The following ENPP3 variants were observed in gnomAD, a reference collection of about 807,000 sequenced individuals.
The protein encoded by ENPP3 is ectonucleotide pyrophosphatase/phosphodiesterase family member 3.
ENPP3 carries 104 observed loss-of-function variants against 117.8 expected under a neutral mutation model. The observed-to-expected ratio is 0.88, with a 90% CI of 0.75 to 1.04. The LOEUF (loss-of-function observed/expected upper bound fraction) is 1.04. Among genes scored for constraint, ENPP3 ranks in the 50% least tolerant of loss-of-function variants. The pLI is 0.00. For missense variants in ENPP3, 1,026 were observed against 1,051.9 expected (o/e 0.98, Z 0.34); for synonymous variants, 380 against 349.9 (o/e 1.09, Z -0.96).
intron 20 of ENPP3, among the ~76,000 whole-genome samples, chr6:131,729,223 T>C (rs192498868): frequency 7.9e-5 from 12 of 152,342 alleles, no homozygotes; most frequent in Non-Finnish European, 1.5e-4. Flanking sequence ...CAAACATTTT[T>C]GAACTATGAA....
At chr6:131,675,037 C>A in intron 8 of ENPP3, 43 bp from the exon 9 acceptor site, 1 of 1,175,684 alleles carries the variant, frequency 8.5e-7, no homozygotes, top group Non-Finnish European at 1.3e-6. Flanking sequence ...CATTTCTACC[C>A]AAAGTAATTA....
At chr6:131,649,244 A>G (rs1778212546) in intron 2 of ENPP3, among the ~76,000 whole-genome samples, 1 of 152,000 alleles carries the variant, frequency 6.6e-6, no homozygotes, top group African/African-American at 2.4e-5. Context: ...TTCCAGAGTG[A>G]CTTTCTAAAA....
intron 8 of ENPP3, among the ~76,000 whole-genome samples, 193 bp from the exon 9 acceptor site, chr6:131,674,887 T>G (rs1424960828): frequency 6.6e-6 from 1 of 152,092 alleles, no homozygotes; most frequent in Non-Finnish European, 1.5e-5. Flanking sequence ...CCATCCAATT[T>G]TACCAGTTTG....
At chr6:131,679,013 C>CT (rs1778950788) in intron 11 of ENPP3, among the ~76,000 whole-genome samples, 4 of 85,606 alleles carry the variant, frequency 4.7e-5, no homozygotes, top group South Asian at 4.1e-4. Flanking sequence ...TTCCTTCCTT[C>CT]CTTCCTTCCT....
intron 14 of ENPP3, among the ~76,000 whole-genome samples, chr6:131,690,437 A>G (rs1052561102): frequency 6.6e-6 from 1 of 152,212 alleles, no homozygotes; most frequent in African/African-American, 2.4e-5. Context: ...CGCTCAGAGG[A>G]TCATTGGCAT....
chr6:131,726,821 A>T (rs1259682608), intron 20 of ENPP3, among the ~76,000 whole-genome samples: 1 of 152,166 alleles, frequency 6.6e-6, no homozygotes, highest in Non-Finnish European at 1.5e-5. Context: ...TAGTACCAGG[A>T]CAGTCAACTA....
chr6:131,697,608 T>C (rs1489969814), intron 15 of ENPP3, among the ~76,000 whole-genome samples: 1 of 151,358 alleles, frequency 6.6e-6, no homozygotes, highest in East Asian at 1.9e-4. Context: ...CTGGGGGCGA[T>C]GGGAGACAGT....
chr6:131,733,867 G>C, intron 21 of ENPP3, 144 bp downstream of exon 21: 1 of 778,200 alleles, frequency 1.3e-6, no homozygotes, highest in East Asian at 2.6e-5. Context: ...GTTGTGGCTG[G>C]CCAGAGCAGC....
chr6:131,717,944 C>T (rs1779933772), intron 15 of ENPP3, among the ~76,000 whole-genome samples: 2 of 152,186 alleles, frequency 1.3e-5, no homozygotes, highest in South Asian at 4.1e-4. Flanking sequence ...AGTACAGTAG[C>T]ATGCTGTACA....
chr6:131,682,988 T>C (rs964421410), intron 11 of ENPP3, 66 bp from the exon 12 acceptor site: 8 of 961,834 alleles, frequency 8.3e-6, no homozygotes, highest in Non-Finnish European at 1.3e-5. Context: ...TTTTACTTCA[T>C]TAGATAACGG....
At chr6:131,727,883 T>C (rs1780192422) in intron 20 of ENPP3, among the ~76,000 whole-genome samples, 1 of 152,242 alleles carries the variant, frequency 6.6e-6, no homozygotes, top group South Asian at 2.1e-4. Flanking sequence ...ACCTCTTTTA[T>C]GGAAAGGAAA....
chr6:131,740,246 C>T lies in ENPP3; in HGVS notation c.2323C>T (p.Pro775Ser), dbSNP rs147101691. The T allele has an allele frequency of 6.2e-7, 1 of 1,602,852 alleles. No individual in the cohort carries two copies. The highest frequency in any genetic ancestry group is 8.5e-7 in the Non-Finnish European group (1 of 1,174,748). The change falls in exon 24 of 25, where the codon CCC (proline) becomes TCC (serine). Residue 775 changes from proline to serine, a missense_variant. Pro to Ser is a moderately conservative substitution (Grantham distance 74). Transcript: ENST00000357639. Reference protein sequence around the residue: ...ITKHLANTDVPIPTHYFVVLT... With the variant: ...ITKHLANTDVSIPTHYFVVLT... Reference sequence around the variant, plus strand: ...AAGACATTTAGCCAACACTGATGTTCCCATCCCAACACACTACTTTGTGGT... The same window carrying T: ...AAGACATTTAGCCAACACTGATGTTTCCATCCCAACACACTACTTTGTGGT...
rs554258338 is a variant in ENPP3, at chr6:131,681,444, T to C, written c.1012-1610T>C. 5.9e-5 allele frequency among the ~76,000 whole-genome samples: 9 copies of C among 152,174 alleles called. No homozygotes were observed. In the East Asian group the frequency reaches 1.4e-3, roughly 23 times the overall value. Reference sequence around the variant, plus strand: ...AAAGAAGAGGCAATCATTGTTATAATAGTACTCTGAGAGATAAGACATTTC... The same window carrying C: ...AAAGAAGAGGCAATCATTGTTATAACAGTACTCTGAGAGATAAGACATTTC... On this transcript the variant is annotated intron_variant, in intron 11 of 24. Coordinates refer to ENST00000357639, the MANE Select transcript of ENPP3 (RefSeq NM_005021.5).
rs1333638833 is a variant in ENPP3 at position 131,740,336 on chromosome 6, C to CCCTT, written c.2414_2417dup (p.Ile807LeufsTer15). ...CTGCCCTGGGTGGCTGGATGTCCTA[C>CCCTT]CCTTTATCATCCCTCACCGACCTAC... On this transcript the variant is annotated frameshift_variant, in exon 24 of 25. Transcript: ENST00000357639. LOFTEE classifies it high-confidence loss of function. 6.2e-7 allele frequency: 1 copy of CCCTT among 1,612,234 alleles called. No homozygotes were observed. The highest frequency in any genetic ancestry group is 1.7e-5 in the Admixed American group (1 of 59,746).
intron 7 of ENPP3, among the ~76,000 whole-genome samples, 170 bp downstream of exon 7, chr6:131,671,497 G>A (rs1436389621): frequency 2.0e-5 from 3 of 152,218 alleles, no homozygotes; most frequent in African/African-American, 7.2e-5. Context: ...TATGAGGCCA[G>A]TCCAGGGCTG....
intron 11 of ENPP3, among the ~76,000 whole-genome samples, chr6:131,679,038 T>TTTCTTTCC (rs1778957099): frequency 9.1e-6 from 1 of 109,344 alleles, no homozygotes; most frequent in Non-Finnish European, 1.7e-5. Flanking sequence ...TCTTTCTTTC[T>TTTCTTTCC]TTCTTTCTTT....
intron 5 of ENPP3, among the ~76,000 whole-genome samples, chr6:131,656,594 C>T (rs183441714): frequency 6.6e-6 from 1 of 151,856 alleles, no homozygotes; most frequent in Admixed American, 6.6e-5. Context: ...GGTGAAACCC[C>T]GTCTCTACTA....
Position 131,644,901 on chromosome 6 carries a change from C to G in ENPP3, c.154+3371C>G, listed in dbSNP as rs535755628. On this transcript the variant is annotated intron_variant, in intron 2 of 24. Transcript: ENST00000357639. ...CAGGTAACTATTGTGTTCTAGAAAC[C>G]AAGTGCAGAAAGGTTTTATAAGGGG... Among the ~76,000 whole-genome samples the G allele has an allele frequency of 3.2e-4, 48 of 152,226 alleles. No homozygotes were observed. The South Asian group carries it at 9.6e-3, about 30-fold the overall frequency.
At chr6:131,677,818 T>C (rs1447355822) in intron 10 of ENPP3, 50 bp from the exon 11 acceptor site, 3 of 1,209,170 alleles carry the variant, frequency 2.5e-6, no homozygotes, top group African/African-American at 1.5e-5. Flanking sequence ...ATCCAGCCTG[T>C]ATGTTTATAG....
Sources: gnomAD v4.1 joint callset for allele counts (sites outside exome capture counted in the v4.1 genomes callset) on GRCh38, gnomAD v4.1.1 for gene constraint, MANE v1.5 for transcripts, NCBI Gene and HGNC (gene_info 2026-07-23, HGNC 2026-07-21) for gene names.